Variants in NHSL2 observed in about 807,000 individuals in gnomAD.
The protein encoded by NHSL2 is NHS-like protein 2.
Under a neutral mutation model 53.4 loss-of-function variants are expected in NHSL2, and 27 were observed. The ratio of observed to expected loss-of-function variants is 0.51; its 90% CI spans 0.37 to 0.70. The LOEUF (loss-of-function observed/expected upper bound fraction) is 0.70. Ranked by LOEUF, NHSL2 falls within the 30% of genes least tolerant of loss-of-function variation. The pLI, the probability that NHSL2 is intolerant of heterozygous loss-of-function variation, is 0.00. For synonymous variants in NHSL2, 408 were observed against 404.1 expected (o/e 1.01, Z -0.12); for missense variants, 892 against 980.1 (o/e 0.91, Z 1.20).
At chrX:71,987,335 G>A (rs2042007507) in intron 1 of NHSL2, among the ~76,000 whole-genome samples, 1 of 112,676 alleles carries the variant, frequency 8.9e-6, no homozygotes, top group Non-Finnish European at 1.9e-5. Flanking sequence ...TTAGGTACCA[G>A]GTCTGGAGTC....
rs142376060 is a variant in NHSL2, at chrX:71,944,291, G to C, written c.280+32924G>C. Reference sequence around the variant, plus strand: ...TTTGCCAGCTACAAATTGGAGTTCTGTTAGCAAGGAAGAAGGTGCAGAGGA... The same window carrying C: ...TTTGCCAGCTACAAATTGGAGTTCTCTTAGCAAGGAAGAAGGTGCAGAGGA... On this transcript the variant is annotated intron_variant, in intron 1 of 7. Transcript: ENST00000633930. Among the ~76,000 whole-genome samples the C allele has an allele frequency of 1.2e-4, 13 of 112,374 alleles. No homozygotes were observed. In the East Asian group the frequency reaches 3.6e-3, roughly 31 times the overall value.
intron 1 of NHSL2, among the ~76,000 whole-genome samples, chrX:72,099,346 TC>T: frequency 9.2e-6 from 1 of 108,588 alleles, no homozygotes; most frequent in Non-Finnish European, 1.9e-5. Flanking sequence ...GGCACCAGTA[TC>T]CCCTTGTGTA....
intron 1 of NHSL2, among the ~76,000 whole-genome samples, chrX:72,046,829 C>T (rs1464232477): frequency 9.1e-6 from 1 of 110,446 alleles, no homozygotes; most frequent in Non-Finnish European, 1.9e-5. Flanking sequence ...AATGAGTTGC[C>T]GCTGTGCTGC....
intron 1 of NHSL2, among the ~76,000 whole-genome samples, chrX:71,954,708 G>C (rs1256618399): frequency 1.8e-5 from 2 of 111,723 alleles, no homozygotes; most frequent in Admixed American, 9.5e-5. Context: ...AAAGCAAGCT[G>C]CTCAGAAGGA....
chrX:72,116,165 T>TA (rs2042137236), intron 1 of NHSL2, among the ~76,000 whole-genome samples: 1 of 111,915 alleles, frequency 8.9e-6, no homozygotes, highest in Non-Finnish European at 1.9e-5. Flanking sequence ...ACCTGCTTCA[T>TA]AGGGCTGTCA....
chrX:71,984,436 A>G (rs772936798), intron 1 of NHSL2, among the ~76,000 whole-genome samples: 3 of 112,079 alleles, frequency 2.7e-5, no homozygotes, highest in Non-Finnish European at 5.6e-5. Flanking sequence ...ATTTGTTGGA[A>G]CCAAGCTAAT....
At chrX:72,061,050 C>A (rs1400707936) in intron 1 of NHSL2, among the ~76,000 whole-genome samples, 1 of 112,206 alleles carries the variant, frequency 8.9e-6, no homozygotes, top group Non-Finnish European at 1.9e-5. Flanking sequence ...CTCCTGACCA[C>A]TCCCCACTCC....
At chrX:72,078,939 G>A (rs902156188) in intron 1 of NHSL2, among the ~76,000 whole-genome samples, 3 of 112,286 alleles carry the variant, frequency 2.7e-5, no homozygotes, top group African/African-American at 6.5e-5. Flanking sequence ...GGCCATGTGC[G>A]AAGGTAGACC....
rs56017757 is a variant in NHSL2 at position 71,978,756 on chromosome X, G to GT, written c.280+67406dup. Among the ~76,000 whole-genome samples the GT allele has an allele frequency of 6.5e-3, 540 of 83,600 alleles. 3 individuals carry two copies. The highest frequency in any genetic ancestry group is 0.021 in the African/African-American group (507 of 24,111). 72.6% of individuals were successfully genotyped at this position (83,600 alleles called of 115,157 possible). A position where few individuals can be genotyped will look rare whatever the true frequency, so the allele number is the denominator to read the frequency against. On this transcript the variant is annotated intron_variant, in intron 1 of 7. Coordinates refer to ENST00000633930, the MANE Select transcript of NHSL2 (RefSeq NM_001013627.3). ...CATTTTACTACAGAAACTTGTCAAG[G>GT]TTTTTTTTTTTTTTTTTAATTATAC...
rs775870274 is a variant in NHSL2 at position 71,937,459 on chromosome X, A to G, written c.280+26092A>G. 1.9e-3 allele frequency among the ~76,000 whole-genome samples: 214 copies of G among 111,979 alleles called. 1 individual carries two copies. Among genetic ancestry groups the G allele is most frequent in the African/African-American group, 6.7e-3 (208 of 30,818 alleles). On this transcript the variant is annotated intron_variant, in intron 1 of 7. Coordinates refer to ENST00000633930, the MANE Select transcript of NHSL2 (RefSeq NM_001013627.3). The stretch of plus-strand genomic sequence containing the variant: ...ACTCTTGGACTATACTGTGCATTTC[A>G]GAATTGCTGTTTGCATCCAGATAAT...
intron 1 of NHSL2, among the ~76,000 whole-genome samples, chrX:71,925,108 C>T (rs981454178): frequency 6.3e-5 from 7 of 111,922 alleles, no homozygotes; most frequent in Admixed American, 1.9e-4. Flanking sequence ...CTAATAAATC[C>T]GCTATATTAG....
chrX:72,086,962 T>C (rs1285544978), intron 1 of NHSL2, among the ~76,000 whole-genome samples: 4 of 111,688 alleles, frequency 3.6e-5, no homozygotes, highest in East Asian at 2.8e-4. Flanking sequence ...TGAACAGGTA[T>C]GTTCAGTTGC....
chrX:72,076,232 C>T (rs1403858237), intron 1 of NHSL2, among the ~76,000 whole-genome samples: 4 of 111,036 alleles, frequency 3.6e-5, no homozygotes, highest in Admixed American at 9.6e-5. Context: ...CGAGCCCAGC[C>T]GAACACAGTG....
intron 1 of NHSL2, among the ~76,000 whole-genome samples, chrX:72,028,007 T>C (rs1024388273): frequency 1.8e-5 from 2 of 111,785 alleles, no homozygotes; most frequent in East Asian, 2.8e-4. Flanking sequence ...CTGCTGCTGC[T>C]GCTGCCACTG....
intron 1 of NHSL2, among the ~76,000 whole-genome samples, chrX:72,065,259 A>C (rs753158573): frequency 2.7e-5 from 3 of 111,619 alleles, no homozygotes; most frequent in Non-Finnish European, 5.7e-5. Context: ...GGCAGACACT[A>C]ACTGAGTCAT....
At position 72,053,608 on chromosome X, in the gene NHSL2, G is replaced by A. The variant is rs758254691; in HGVS notation, c.281-78471G>A. ...AGACTGGCAGAACAGAAAAGGGCCCGAGGGATCATCTCGCCATGCACATGT... is the reference window on the plus strand; with the variant it reads ...AGACTGGCAGAACAGAAAAGGGCCCAAGGGATCATCTCGCCATGCACATGT... On this transcript the variant is annotated intron_variant, in intron 1 of 7. Coordinates refer to ENST00000633930, the MANE Select transcript of NHSL2 (RefSeq NM_001013627.3). Among the ~76,000 whole-genome samples the A allele has an allele frequency of 3.6e-5, 4 of 111,395 alleles. No homozygotes were observed. In the East Asian group the frequency reaches 1.1e-3, roughly 32 times the overall value.
chrX:71,916,415 A>G (rs1051057555), intron 1 of NHSL2, among the ~76,000 whole-genome samples: 1 of 112,025 alleles, frequency 8.9e-6, no homozygotes, highest in Admixed American at 9.4e-5. Flanking sequence ...AAGGCCTCAA[A>G]TCGTCTTTTC....
intron 1 of NHSL2, among the ~76,000 whole-genome samples, chrX:71,951,005 TACACACACACACAC>T (rs10527333): frequency 4.5e-5 from 4 of 89,745 alleles, no homozygotes; most frequent in Non-Finnish European, 6.4e-5. Context: ...AAATACAAAA[TACACACACACACAC>T]ACACACACAC....
At chrX:72,124,483 G>A (rs2042206541) in intron 1 of NHSL2, among the ~76,000 whole-genome samples, 1 of 111,752 alleles carries the variant, frequency 8.9e-6, no homozygotes, top group Non-Finnish European at 1.9e-5. Context: ...GGAAGGCTCA[G>A]AACCAAACTG....
Sources: allele counts gnomAD v4.1 joint callset (sites outside exome capture counted in the v4.1 genomes callset), GRCh38; gene constraint gnomAD v4.1.1; transcripts MANE v1.5; gene names NCBI Gene and HGNC (gene_info 2026-07-23, HGNC 2026-07-21).